Variants in ANKRD13A observed in about 807,000 individuals in gnomAD.
ANKRD13A encodes ankyrin repeat domain-containing protein 13A.
Under a neutral mutation model 81.3 loss-of-function variants are expected in ANKRD13A, and 48 were observed. The observed-to-expected ratio is 0.59, with a 90% CI of 0.47 to 0.75. ANKRD13A has a LOEUF of 0.75. Among genes scored for constraint, ANKRD13A ranks in the 30% least tolerant of loss-of-function variants. The pLI is 0.00. For synonymous variants in ANKRD13A, 230 were observed against 270.1 expected, an observed-to-expected ratio of 0.85 and a Z score of 1.45; for missense variants, 612 against 734.0, an observed-to-expected ratio of 0.83 and a Z score of 1.92.
chr12:110,027,496 T>C lies in ANKRD13A; in HGVS notation c.884-209T>C. ...CTTCCCATTATTCTGCTTTAATTCT[T>C]ACAACTGTTTATCTAGTTTAGAGAT... On this transcript the variant is annotated intron_variant, in intron 8 of 14. Coordinates refer to ENST00000261739, the MANE Select transcript of ANKRD13A (RefSeq NM_033121.2). 5.5e-6 allele frequency: 3 copies of C among 549,282 alleles called. No individual in the cohort carries two copies. In the South Asian group the frequency reaches 6.4e-5, roughly 12 times the overall value. 34.0% of individuals were successfully genotyped at this position (549,282 alleles called of 1,614,324 possible).
intron 1 of ANKRD13A, among the ~76,000 whole-genome samples, chr12:110,003,919 G>A (rs1262636406): frequency 6.6e-6 from 1 of 152,178 alleles, no homozygotes; most frequent in African/African-American, 2.4e-5. Flanking sequence ...AGCTCTTTGG[G>A]AGGCCAAGGC....
chr12:110,036,160 G>C lies in ANKRD13A; in HGVS notation c.1510-101G>C. 8.8e-7 allele frequency: 1 copy of C among 1,130,928 alleles called. No individual in the cohort carries two copies. The highest frequency in any genetic ancestry group is 1.2e-5 in the South Asian group (1 of 80,452). 70.1% of individuals were successfully genotyped at this position (1,130,928 alleles called of 1,614,324 possible). A position where few individuals can be genotyped will look rare whatever the true frequency, so the allele number is the denominator to read the frequency against. On this transcript the variant is annotated intron_variant, in intron 13 of 14. Transcript: ENST00000261739. This position sits in a 1 kb window ranked among gnomAD's most constrained non-coding sequence, Gnocchi z 4.6. ...CACAGCACTATTGATAATGGTCATG[G>C]AAAGACTTTTAATTTGGTTCTTGCT...
chr12:110,000,787 C>T (rs1233096170), intron 1 of ANKRD13A, among the ~76,000 whole-genome samples: 2 of 122,362 alleles, frequency 1.6e-5, no homozygotes, highest in Non-Finnish European at 3.3e-5. Flanking sequence ...GACTGAGTTT[C>T]GCTCTTGTTG....
chr12:110,030,907 C>G (rs1032438849), intron 12 of ANKRD13A, 149 bp downstream of exon 12: 6 of 337,190 alleles, frequency 1.8e-5, no homozygotes, highest in African/African-American at 4.3e-5. Flanking sequence ...CCAGCCTGAC[C>G]AACATGGAGA....
At position 109,999,778 on chromosome 12, in the gene ANKRD13A, G is replaced by T; in HGVS notation, c.90G>T (p.Gln30His). The change falls in exon 1 of 15, where the codon CAG becomes CAT. Residue 30 changes from glutamine to histidine, a missense_variant. Gln to His is a conservative substitution (Grantham distance 24). Transcript: ENST00000261739. The surrounding 1 kb of genome is among the most constrained non-coding windows in gnomAD (Gnocchi z 4.3). ...ACCGGCAGCTCGAGAAGGAGCTGCA[G>T]GGCCAGGTGAGGGGCGGGGCGGGGG... ...NDYRQLEKEL[Q>H]GQNVEAVDPR... 1 of 1,534,068 alleles carries T rather than the reference G, an allele frequency of 6.5e-7. No homozygotes were observed. The highest frequency in any genetic ancestry group is 8.8e-7 in the Non-Finnish European group (1 of 1,138,784).
intron 1 of ANKRD13A, among the ~76,000 whole-genome samples, chr12:110,005,796 G>T (rs1191146730): frequency 1.3e-5 from 2 of 152,140 alleles, no homozygotes; most frequent in African/African-American, 2.4e-5. Context: ...TAACGCTGCT[G>T]TGTGTATTTG....
At chr12:110,013,451 T>C (rs1178352294) in intron 3 of ANKRD13A, among the ~76,000 whole-genome samples, 1 of 152,238 alleles carries the variant, frequency 6.6e-6, no homozygotes, top group Non-Finnish European at 1.5e-5. Context: ...TCTAAGTCAC[T>C]GGGCTTACCC....
chr12:110,034,353 C>G (rs1474723273), intron 13 of ANKRD13A, among the ~76,000 whole-genome samples: 1 of 152,082 alleles, frequency 6.6e-6, no homozygotes, highest in Non-Finnish European at 1.5e-5. Flanking sequence ...CCCACTTCCT[C>G]CACAAAGGGT....
chr12:110,024,822 T>C (rs1195975923), intron 7 of ANKRD13A, among the ~76,000 whole-genome samples: 2 of 152,232 alleles, frequency 1.3e-5, no homozygotes, highest in Admixed American at 6.5e-5. Flanking sequence ...ACGTGGCATA[T>C]AGAGAGAATT....
chr12:110,033,441 C>G (rs1891828719), intron 12 of ANKRD13A, among the ~76,000 whole-genome samples: 1 of 151,886 alleles, frequency 6.6e-6, no homozygotes, highest in African/African-American at 2.4e-5. Context: ...TTTAAGTGTT[C>G]AGATATTTTA....
chr12:110,013,175 C>T lies in ANKRD13A; in HGVS notation c.280C>T (p.Leu94Phe). The change falls in exon 3 of 15, where the codon CTC becomes TTC. Residue 94 changes from leucine (L) to phenylalanine (F), a missense_variant. By Grantham distance (22) the Leu-to-Phe change is conservative. Coordinates refer to ENST00000261739, the MANE Select transcript of ANKRD13A (RefSeq NM_033121.2). ...TGDPEMVYTV[L>F]QHRDYHNTSM... ...CGATCCTGAGATGGTGTACACAGTT[C>T]TCCAACATCGAGACTACCACAACAC... 1 of 1,614,158 alleles carries T rather than the reference C, an allele frequency of 6.2e-7. No individual in the cohort carries two copies. The highest frequency in any genetic ancestry group is 8.5e-7 in the Non-Finnish European group (1 of 1,180,010).
chr12:110,037,302 C>A, intron 14 of ANKRD13A, 57 bp from the exon 15 acceptor site: 1 of 1,524,402 alleles, frequency 6.6e-7, no homozygotes, highest in Non-Finnish European at 9.0e-7. Context: ...GTAGTTACTG[C>A]TGCCACCATG....
At chr12:110,030,565 A>G in intron 11 of ANKRD13A, 80 bp from the exon 12 acceptor site, 1 of 758,410 alleles carries the variant, frequency 1.3e-6, no homozygotes, top group East Asian at 3.0e-5. Context: ...TACTTGGCAT[A>G]GTAAGCACTT....
intron 10 of ANKRD13A, chr12:110,029,133 C>G (rs12425599): frequency 0.05 from 10,113 of 201,338 alleles, 377 homozygotes; most frequent in South Asian, 0.15. Flanking sequence ...CAAATAGAAT[C>G]TAGATTGGAT....
chr12:110,037,823 G>A lies in ANKRD13A; in HGVS notation c.*269G>A, dbSNP rs78873143. The A allele has an allele frequency of 6.6e-6, 2 of 301,226 alleles. No homozygotes were observed. 18.7% of individuals were successfully genotyped at this position (301,226 alleles called of 1,614,324 possible). A position where few individuals can be genotyped will look rare whatever the true frequency, so the allele number is the denominator to read the frequency against. On this transcript the variant is annotated 3_prime_UTR_variant, in exon 15 of 15. Coordinates refer to ENST00000261739, the MANE Select transcript of ANKRD13A (RefSeq NM_033121.2). ...CACTTTCCATTAGCTGTATTGGCTT[G>A]CAGGTCACATTTTTACTACCAGCTT... is the stretch of plus-strand genomic sequence containing the variant.
chr12:110,017,032 C>T (rs752960466), intron 4 of ANKRD13A, among the ~76,000 whole-genome samples: 2 of 152,268 alleles, frequency 1.3e-5, no homozygotes, highest in East Asian at 3.9e-4. Context: ...CCCTAGCCCC[C>T]CAAAGTGCTG....
chr12:110,013,330 G>A (rs898573347), intron 3 of ANKRD13A, 81 bp downstream of exon 3: 11 of 1,552,246 alleles, frequency 7.1e-6, no homozygotes, highest in East Asian at 2.2e-5. Flanking sequence ...ACATCCTTGT[G>A]TGCCTTCCTA....
intron 7 of ANKRD13A, 91 bp from the exon 8 acceptor site, chr12:110,025,651 G>GT (rs1891279314): frequency 6.6e-6 from 6 of 908,982 alleles, no homozygotes; most frequent in South Asian, 1.6e-5. Flanking sequence ...ATTGTTTTCT[G>GT]TTTTTTGCTT....
chr12:110,032,319 CTA>C (rs1385279287), intron 12 of ANKRD13A: 2 of 152,020 alleles, frequency 1.3e-5, no homozygotes, highest in East Asian at 1.9e-4. Flanking sequence ...CATGATGGTC[CTA>C]TGTTTCTCCC....
Sources: gnomAD v4.1 joint callset for allele counts (sites outside exome capture counted in the v4.1 genomes callset) on GRCh38, gnomAD v4.1.1 for gene constraint, Gnocchi (gnomAD v3.1) non-coding constraint, MANE v1.5 for transcripts, NCBI Gene and HGNC (gene_info 2026-07-23, HGNC 2026-07-21) for gene names.